The following FBXL20 variants were observed in gnomAD, a reference collection of about 807,000 sequenced individuals.
FBXL20 encodes the protein F-box/LRR-repeat protein 20.
In FBXL20, 11 loss-of-function variants were observed where a neutral mutation model predicts 64.0. The observed-to-expected ratio is 0.17, with a 90% CI of 0.11 to 0.28. The LOEUF (loss-of-function observed/expected upper bound fraction) is 0.28. FBXL20 is among the 10% of genes least tolerant of loss of function. FBXL20 has a pLI of 1.00. For synonymous variants in FBXL20, 184 were observed against 189.0 expected, an observed-to-expected ratio of 0.97 and a Z score of 0.22; for missense variants, 303 against 526.2, an observed-to-expected ratio of 0.58 and a Z score of 4.15.
At chr17:39,350,760 C>T (rs530149384) in intron 1 of FBXL20, among the ~76,000 whole-genome samples, 3 of 152,212 alleles carry the variant, frequency 2.0e-5, no homozygotes, top group Admixed American at 6.5e-5. Flanking sequence ...TGGTTAAGAA[C>T]GGATGGTCCC....
At position 39,274,940 on chromosome 17, in the gene FBXL20, A is replaced by T. The variant is rs549254208; in HGVS notation, c.827+30T>A. The T allele has an allele frequency of 2.5e-6, 4 of 1,610,972 alleles. No homozygotes were observed. In the South Asian group the frequency reaches 3.3e-5, roughly 13 times the overall value. On this transcript the variant is annotated intron_variant, in intron 10 of 14. Coordinates refer to ENST00000264658, the MANE Select transcript of FBXL20 (RefSeq NM_032875.3). ...GGGTGAAGGAAACTTTTGTTCTATG[A>T]TTTTTTTGAGCTAAACAAGAAATGT... is the stretch of plus-strand genomic sequence containing the variant.
chr17:39,368,509 T>C (rs1247222014), intron 1 of FBXL20, among the ~76,000 whole-genome samples: 1 of 152,218 alleles, frequency 6.6e-6, no homozygotes, highest in Non-Finnish European at 1.5e-5. Context: ...CCTAAGTCTC[T>C]TTCCTACCAA....
intron 1 of FBXL20, among the ~76,000 whole-genome samples, chr17:39,361,423 G>A (rs1033950999): frequency 2.0e-5 from 3 of 152,188 alleles, no homozygotes; most frequent in Non-Finnish European, 2.9e-5. Flanking sequence ...TGAGAATATT[G>A]AGAGCCTAGA....
chr17:39,382,884 C>T (rs1403846083), intron 1 of FBXL20, among the ~76,000 whole-genome samples: 3 of 151,426 alleles, frequency 2.0e-5, no homozygotes, highest in Admixed American at 6.6e-5. Flanking sequence ...AGGTCAGGTG[C>T]GGTGGCTCAC....
upstream of FBXL20, chr17:39,402,296 G>T: frequency 2.2e-6 from 2 of 898,220 alleles, no homozygotes; most frequent in Non-Finnish European, 2.9e-6. Flanking sequence ...CGCCGCCGCC[G>T]CCTCCCCCGC....
At chr17:39,383,965 G>A (rs1282439750) in intron 1 of FBXL20, among the ~76,000 whole-genome samples, 1 of 151,976 alleles carries the variant, frequency 6.6e-6, no homozygotes, top group Non-Finnish European at 1.5e-5. Context: ...CAGGCCTGGT[G>A]GCTCATGCCC....
chr17:39,306,133 G>A (rs2047180182), intron 2 of FBXL20, among the ~76,000 whole-genome samples: 1 of 151,034 alleles, frequency 6.6e-6, no homozygotes, highest in South Asian at 2.1e-4. Context: ...CTGTACTCCA[G>A]CCTGGGTGAT....
chr17:39,314,776 A>C (rs1597792327), intron 2 of FBXL20, among the ~76,000 whole-genome samples: 1 of 148,236 alleles, frequency 6.7e-6, no homozygotes, highest in Admixed American at 6.8e-5. Flanking sequence ...TGAGGGTTTT[A>C]ATTTCTCCAT....
At chr17:39,285,015 G>A (rs1029853265) in intron 7 of FBXL20, among the ~76,000 whole-genome samples, 21 of 151,700 alleles carry the variant, frequency 1.4e-4, no homozygotes, top group East Asian at 3.9e-4. Flanking sequence ...TTGGCTTACC[G>A]CAACCTCTGC....
chr17:39,343,428 T>C (rs558715263), intron 1 of FBXL20, among the ~76,000 whole-genome samples, 187 bp from the exon 2 acceptor site: 163 of 152,328 alleles, frequency 1.1e-3, no homozygotes, highest in Middle Eastern at 0.01. Context: ...ATTCATTCCC[T>C]GTCTCCAAAG....
intron 10 of FBXL20, among the ~76,000 whole-genome samples, chr17:39,272,701 C>CAAAAAAAGAAAAAAAAAAAGAAAAA (rs2046855618): frequency 1.0e-5 from 1 of 98,880 alleles, no homozygotes; most frequent in Non-Finnish European, 2.1e-5. Flanking sequence ...AACTCTATCT[C>CAAAAAAAGAAAAAAAAAAAGAAAAA]AAAAAAAAAA....
At chr17:39,309,790 T>C (rs1263083323) in intron 2 of FBXL20, among the ~76,000 whole-genome samples, 9 of 93,640 alleles carry the variant, frequency 9.6e-5, no homozygotes, top group Non-Finnish European at 1.6e-4. Context: ...AGACTCCATC[T>C]CAAAAAAAAA....
At chr17:39,282,047 A>G (rs2046954251) in intron 8 of FBXL20, among the ~76,000 whole-genome samples, 1 of 152,178 alleles carries the variant, frequency 6.6e-6, no homozygotes, top group Admixed American at 6.6e-5. Context: ...CTTTCAAACA[A>G]TGGAACCCCT....
chr17:39,299,552 C>CAGGCAATCATTTGA (rs2047116336), intron 4 of FBXL20, among the ~76,000 whole-genome samples: 1 of 151,456 alleles, frequency 6.6e-6, no homozygotes, highest in Admixed American at 6.6e-5. Context: ...GAGGCCGAGG[C>CAGGCAATCATTTGA]GGGTGGATCA....
intron 5 of FBXL20, among the ~76,000 whole-genome samples, chr17:39,298,744 A>T (rs12453796): frequency 0.17 from 25,944 of 151,760 alleles, 2,762 homozygotes; most frequent in East Asian, 0.24. Context: ...TAATTAATTT[A>T]AAAAAAACTT....
Position 39,281,409 on chromosome 17 carries a change from A to G in FBXL20, c.676T>C (p.Leu226=). The G allele has an allele frequency of 6.2e-7, 1 of 1,613,992 alleles. No homozygotes were observed. The highest frequency in any genetic ancestry group is 1.1e-5 in the South Asian group (1 of 91,060). Reference sequence around the variant, plus strand: ...TTTACCAAGCAAGTCTGCAAGTTCAAAGTCACCAGTTCAGGGCAGTGTGCA... The same window carrying G: ...TTTACCAAGCAAGTCTGCAAGTTCAGAGTCACCAGTTCAGGGCAGTGTGCA... The part of the protein sequence containing the change: ...IGAHCPELVT[L]NLQTCLQITD... The change falls in exon 9 of 15, where the codon TTG becomes CTG. Residue 226 remains leucine (L), a synonymous_variant. Transcript: ENST00000264658.
intron 1 of FBXL20, among the ~76,000 whole-genome samples, chr17:39,370,580 A>T (rs2047907259): frequency 6.6e-6 from 1 of 150,828 alleles, no homozygotes; most frequent in African/African-American, 2.4e-5. Flanking sequence ...AGGTCAGGAG[A>T]TCGAGACCAT....
At chr17:39,343,312 A>G (rs1875691606) in intron 1 of FBXL20, 71 bp from the exon 2 acceptor site, 1 of 1,092,902 alleles carries the variant, frequency 9.1e-7, no homozygotes, top group Non-Finnish European at 1.3e-6. Context: ...TCAATAGTTT[A>G]GAGGCAATTC....
At position 39,299,038 on chromosome 17, in the gene FBXL20, C is replaced by T; in HGVS notation, c.281G>A (p.Arg94Gln). The change falls in exon 5 of 15, where the codon CGA (arginine) becomes CAA (glutamine). Residue 94 changes from arginine to glutamine, a missense_variant. This residue lies in a region of FBXL20 where 246 missense variants were observed against 422.6 expected (regional missense o/e 0.58). Coordinates refer to ENST00000264658, the MANE Select transcript of FBXL20 (RefSeq NM_032875.3). ...AAGACATCCACGAAGACTTAACTTT[C>T]GTAAAAAGCCCCCACATCGTTTTGA... ...NISKRCGGFL[R>Q]KLSLRGCLGV... The T allele has an allele frequency of 1.2e-6, 2 of 1,613,696 alleles. No individual in the cohort carries two copies. The highest frequency in any genetic ancestry group is 1.1e-5 in the South Asian group (1 of 91,034).
Sources: gnomAD v4.1 joint callset for allele counts (sites outside exome capture counted in the v4.1 genomes callset) on GRCh38, gnomAD v4.1.1 for gene constraint, gnomAD v4.1.1 regional missense constraint, MANE v1.5 for transcripts, NCBI Gene and HGNC (gene_info 2026-07-23, HGNC 2026-07-21) for gene names.